The following FRMD4A variants were observed in gnomAD, a reference collection of about 807,000 sequenced individuals.
FRMD4A encodes FERM domain containing 4A, also known as FERM domain-containing protein 4A.
A neutral mutation model predicts 129.1 loss-of-function variants in FRMD4A; 29 were observed. The ratio of observed to expected loss-of-function variants is 0.22; its 90% confidence interval spans 0.17 to 0.31. FRMD4A has a LOEUF of 0.31. FRMD4A is among the 10% of genes least tolerant of loss of function. FRMD4A has a pLI of 1.00. For synonymous variants in FRMD4A, 634 were observed against 571.6 expected (o/e 1.11, Z -1.56); for missense variants, 1,272 against 1,375.8 (o/e 0.92, Z 1.19).
At chr10:13,938,393 C>A (rs1005087795) in intron 2 of FRMD4A, among the ~76,000 whole-genome samples, 1 of 152,084 alleles carries the variant, frequency 6.6e-6, no homozygotes. Flanking sequence ...AAGCGCACAC[C>A]AACATGCCTG....
intron 2 of FRMD4A, among the ~76,000 whole-genome samples, chr10:14,238,317 T>C (rs989292536): frequency 2.0e-5 from 3 of 152,210 alleles, no homozygotes; most frequent in South Asian, 2.1e-4. Flanking sequence ...CGGCACTACA[T>C]GAGTCCAGGT....
intron 2 of FRMD4A, among the ~76,000 whole-genome samples, chr10:13,926,032 G>C (rs1539502): frequency 1.3e-5 from 2 of 151,752 alleles, no homozygotes; most frequent in African/African-American, 4.8e-5. Context: ...CCTATTAGGC[G>C]TCTGTTCATC....
chr10:13,657,689 G>T (rs1343224861), intron 21 of FRMD4A, among the ~76,000 whole-genome samples, 167 bp from the exon 22 acceptor site: 2 of 152,142 alleles, frequency 1.3e-5, no homozygotes, highest in African/African-American at 4.8e-5. Flanking sequence ...AGGGATCCGG[G>T]AACTGCCCAT....
intron 2 of FRMD4A, among the ~76,000 whole-genome samples, chr10:13,886,263 G>C (rs1426198058): frequency 6.6e-6 from 1 of 151,482 alleles, no homozygotes; most frequent in East Asian, 2.0e-4. Context: ...ATACAGCAAG[G>C]ACAAAGAAAG....
chr10:14,048,862 GAATAGAATAGA>G (rs771947765), intron 2 of FRMD4A, among the ~76,000 whole-genome samples: 5,013 of 146,104 alleles, frequency 0.034, 140 homozygotes, highest in Non-Finnish European at 0.048. Context: ...GAATAGAATA[GAATAGAATAGA>G]ATAGAATAGA....
At chr10:13,718,806 A>C (rs2089130270) in intron 12 of FRMD4A, among the ~76,000 whole-genome samples, 1 of 152,206 alleles carries the variant, frequency 6.6e-6, no homozygotes, top group South Asian at 2.1e-4. Context: ...CAGTTCTCCC[A>C]GATATTCATA....
chr10:14,221,683 C>A lies in FRMD4A; in HGVS notation c.45+108375G>T, dbSNP rs560276471. Among the ~76,000 whole-genome samples, 227 of 151,680 alleles carry A rather than the reference C, an allele frequency of 1.5e-3. 2 individuals carry two copies. The highest frequency in any genetic ancestry group is 2.9e-3 in the South Asian group (14 of 4,774). On this transcript the variant is annotated intron_variant, in intron 2 of 24. Coordinates refer to ENST00000357447, the MANE Select transcript of FRMD4A (RefSeq NM_018027.5). Reference sequence around the variant, plus strand: ...CAAGTGATCCTCCCGCCTCTGCCTCCCAAGTAGCTGGAACTACAGGTACAC... The same window carrying A: ...CAAGTGATCCTCCCGCCTCTGCCTCACAAGTAGCTGGAACTACAGGTACAC...
At chr10:13,737,547 C>A (rs568430306) in intron 12 of FRMD4A, among the ~76,000 whole-genome samples, 1 of 152,200 alleles carries the variant, frequency 6.6e-6, no homozygotes, top group South Asian at 2.1e-4. Context: ...AATTAAGGAA[C>A]AGGATAGTCC....
chr10:14,158,437 C>A (rs543968983), intron 2 of FRMD4A, among the ~76,000 whole-genome samples: 2 of 151,964 alleles, frequency 1.3e-5, no homozygotes, highest in Non-Finnish European at 2.9e-5. Context: ...ACAGCAAGAC[C>A]CCACCTCTAC....
chr10:13,876,395 C>T (rs555265718), intron 2 of FRMD4A, among the ~76,000 whole-genome samples: 1 of 152,250 alleles, frequency 6.6e-6, no homozygotes, highest in African/African-American at 2.4e-5. Context: ...TAGGCACAAA[C>T]GCATTTTTCT....
chr10:13,830,036 C>T (rs986826483), intron 3 of FRMD4A, among the ~76,000 whole-genome samples: 1 of 152,232 alleles, frequency 6.6e-6, no homozygotes, highest in Non-Finnish European at 1.5e-5. Context: ...TGTGCTTCCC[C>T]ACATGCCCTA....
chr10:14,175,417 C>T (rs1448636001), intron 2 of FRMD4A, among the ~76,000 whole-genome samples: 6 of 152,040 alleles, frequency 3.9e-5, no homozygotes, highest in South Asian at 2.1e-4. Flanking sequence ...TAATTAACAT[C>T]CTTCTTCTCC....
At chr10:14,250,440 G>A (rs1844398013) in intron 2 of FRMD4A, among the ~76,000 whole-genome samples, 1 of 152,192 alleles carries the variant, frequency 6.6e-6, no homozygotes, top group African/African-American at 2.4e-5. Flanking sequence ...CAAAGGTGTT[G>A]CCCTATAAAA....
In FRMD4A at chr10:13,657,494, G is replaced by T; in HGVS notation, c.2095C>A (p.His699Asn). 4 of 1,604,654 alleles carry T rather than the reference G, an allele frequency of 2.5e-6. No individual in the cohort carries two copies. The highest frequency in any genetic ancestry group is 3.4e-6 in the Non-Finnish European group (4 of 1,177,884). Residue 699 changes from histidine (H) to asparagine (N), a missense_variant, in exon 22 of 25, where the codon CAC becomes AAC. Physicochemically the swap from His to Asn is moderately conservative, Grantham distance 68. Around this residue, in one of 2 missense-constraint regions of FRMD4A, gnomAD observed 972 missense variants for 892.3 expected, o/e 1.09. Coordinates refer to ENST00000357447, the MANE Select transcript of FRMD4A (RefSeq NM_018027.5). Reference protein sequence around the residue: ...RSVDISPTRLHSLALHFRHRS... With the variant: ...RSVDISPTRLNSLALHFRHRS... Reference sequence around the variant, plus strand: ...TGCCTAAAGTGCAGTGCGAGGCTGTGCAGTCGGGTGGGGCTGATGTCCACC... The same window carrying T: ...TGCCTAAAGTGCAGTGCGAGGCTGTTCAGTCGGGTGGGGCTGATGTCCACC...
intron 21 of FRMD4A, among the ~76,000 whole-genome samples, chr10:13,657,952 G>C (rs1346255252): frequency 2.0e-5 from 3 of 151,758 alleles, no homozygotes; most frequent in South Asian, 2.1e-4. Flanking sequence ...ACCATCCTGT[G>C]CAACACTGTA....
chr10:13,699,049 A>G (rs988744288), intron 14 of FRMD4A, among the ~76,000 whole-genome samples: 2 of 132,148 alleles, frequency 1.5e-5, no homozygotes, highest in Non-Finnish European at 3.2e-5. Flanking sequence ...TTTATCTACA[A>G]TAATCTTTTT....
intron 23 of FRMD4A, chr10:13,652,872 C>G (rs568238359): frequency 1.3e-5 from 2 of 152,286 alleles, no homozygotes; most frequent in South Asian, 2.1e-4. Context: ...GCATTTCTGA[C>G]AAGATCCCAG....
At chr10:13,977,493 C>A (rs988674205) in intron 2 of FRMD4A, among the ~76,000 whole-genome samples, 1 of 152,166 alleles carries the variant, frequency 6.6e-6, no homozygotes, top group African/African-American at 2.4e-5. Context: ...CGTAAAAATA[C>A]CTTATTGAGA....
chr10:13,745,037 A>G (rs1210239663), intron 9 of FRMD4A, among the ~76,000 whole-genome samples: 1 of 152,242 alleles, frequency 6.6e-6, no homozygotes, highest in Non-Finnish European at 1.5e-5. Flanking sequence ...AATTTGTTGC[A>G]TATGTCAAAG....
Sources: allele counts gnomAD v4.1 joint callset (sites outside exome capture counted in the v4.1 genomes callset), GRCh38; gene constraint gnomAD v4.1.1; regional missense constraint gnomAD v4.1.1; transcripts MANE v1.5; gene names NCBI Gene and HGNC (gene_info 2026-07-23, HGNC 2026-07-21).